The following RASGEF1A variants were observed in gnomAD, a reference collection of about 807,000 sequenced individuals.
RASGEF1A encodes the protein RasGEF domain family member 1A.
In RASGEF1A, 18 loss-of-function variants were observed where a neutral mutation model predicts 56.4. The observed-to-expected ratio is 0.32, with a 90% CI of 0.22 to 0.47. The LOEUF is 0.47. Among genes scored for constraint, RASGEF1A ranks in the 20% least tolerant of loss-of-function variants. The probability of loss-of-function intolerance (pLI) is 1.00; values close to 1 mark genes in which losing one functional copy is unlikely to be tolerated. For missense variants in RASGEF1A, 422 were observed against 627.1 expected (o/e 0.67, Z 3.49); for synonymous variants, 245 against 242.6 (o/e 1.01, Z -0.09).
Position 43,198,927 on chromosome 10 carries a change from G to A in RASGEF1A, c.1032+6C>T. On this transcript the variant is annotated splice_donor_region_variant and intron_variant, in intron 9 of 12. Coordinates refer to ENST00000395810, the MANE Select transcript of RASGEF1A (RefSeq NM_145313.4). ...CTCGCAGCTGTGACGGGGCTCAGGT[G>A]CCTACCTCCAAGACATCAAACTTGG... 2 of 1,612,118 alleles carry A rather than the reference G, an allele frequency of 1.2e-6. No individual in the cohort carries two copies. Among genetic ancestry groups the A allele is most frequent in the Non-Finnish European group, 1.7e-6 (2 of 1,179,230 alleles).
At chr10:43,197,223 A>AC in intron 10 of RASGEF1A, 124 bp from the exon 11 acceptor site, 3 of 1,152,004 alleles carry the variant, frequency 2.6e-6, no homozygotes, top group Non-Finnish European at 3.7e-6. Context: ...GCAAGATGGG[A>AC]CAGTGGCCCT....
intron 1 of RASGEF1A, among the ~76,000 whole-genome samples, chr10:43,232,483 G>A (rs963753590): frequency 6.7e-5 from 9 of 133,394 alleles, no homozygotes; most frequent in Admixed American, 3.1e-4. Context: ...CCCAGTCTCC[G>A]GCTTTTTTTT....
intron 5 of RASGEF1A, 95 bp from the exon 6 acceptor site, chr10:43,200,351 C>A: frequency 9.2e-7 from 1 of 1,089,478 alleles, no homozygotes; most frequent in African/African-American, 1.5e-5. Flanking sequence ...AGGAGCTGCC[C>A]AGGGCACAGG....
chr10:43,244,463 C>A (rs185926878), intron 1 of RASGEF1A, among the ~76,000 whole-genome samples: 5 of 150,950 alleles, frequency 3.3e-5, no homozygotes, highest in Admixed American at 3.3e-4. Context: ...TAACAGACAT[C>A]GACAGAACAC....
chr10:43,262,506 G>C (rs892615442), intron 1 of RASGEF1A, among the ~76,000 whole-genome samples: 15 of 152,196 alleles, frequency 9.9e-5, no homozygotes, highest in African/African-American at 3.4e-4. Flanking sequence ...CAGCAACGTG[G>C]CCCAGGCCAG....
chr10:43,209,622 G>A (rs1840039133), intron 1 of RASGEF1A, among the ~76,000 whole-genome samples: 1 of 152,198 alleles, frequency 6.6e-6, no homozygotes, highest in South Asian at 2.1e-4. Flanking sequence ...CACACAGGAG[G>A]CACTGCTTAT....
chr10:43,197,528 G>A (rs1457935679), intron 10 of RASGEF1A, among the ~76,000 whole-genome samples: 1 of 152,274 alleles, frequency 6.6e-6, no homozygotes, highest in East Asian at 1.9e-4. Flanking sequence ...TAGGCATCCG[G>A]CAGCCCACAG....
intron 4 of RASGEF1A, 113 bp downstream of exon 4, chr10:43,201,695 G>A: frequency 1.7e-6 from 2 of 1,160,850 alleles, no homozygotes; most frequent in Non-Finnish European, 2.3e-6. Context: ...CCCTCCTGGG[G>A]GAGTAACATG....
chr10:43,250,959 G>A (rs1046504791), intron 1 of RASGEF1A, among the ~76,000 whole-genome samples: 1 of 152,222 alleles, frequency 6.6e-6, no homozygotes, highest in Non-Finnish European at 1.5e-5. Flanking sequence ...AGCTGCCCAG[G>A]GCCAGGCAGA....
chr10:43,207,999 T>G (rs758670669), intron 1 of RASGEF1A: 250 of 960,306 alleles, frequency 2.6e-4, no homozygotes, highest in Admixed American at 9.2e-4. Flanking sequence ...ATCATTCACC[T>G]GTGTATCCTA....
chr10:43,209,719 C>T (rs1018811694), intron 1 of RASGEF1A, among the ~76,000 whole-genome samples: 5 of 152,160 alleles, frequency 3.3e-5, no homozygotes, highest in Admixed American at 6.5e-5. Flanking sequence ...AGGGCTGTGG[C>T]GGGCCAGCTT....
At chr10:43,265,511 AC>A (rs1180935076) in intron 1 of RASGEF1A, among the ~76,000 whole-genome samples, 4 of 152,290 alleles carry the variant, frequency 2.6e-5, no homozygotes, top group Admixed American at 6.5e-5. Context: ...GGGGCAGAGA[AC>A]CCACCCACGT....
intron 1 of RASGEF1A, among the ~76,000 whole-genome samples, chr10:43,240,163 C>T (rs1418046701): frequency 6.6e-6 from 1 of 152,182 alleles, no homozygotes; most frequent in South Asian, 2.1e-4. Context: ...AGACACAGAG[C>T]CCCTTAGCGA....
intron 1 of RASGEF1A, among the ~76,000 whole-genome samples, chr10:43,242,632 C>T (rs529136135): frequency 2.0e-5 from 3 of 151,940 alleles, no homozygotes; most frequent in African/African-American, 4.8e-5. Context: ...CCTTGGGCTC[C>T]GGTGATTCTC....
intron 9 of RASGEF1A, among the ~76,000 whole-genome samples, chr10:43,198,556 T>C (rs1472495477): frequency 4.6e-5 from 7 of 152,124 alleles, no homozygotes; most frequent in Non-Finnish European, 2.9e-5. Context: ...GACTCTGTGG[T>C]CAAACACATC....
chr10:43,247,370 A>G (rs961456610), intron 1 of RASGEF1A, among the ~76,000 whole-genome samples: 2 of 152,212 alleles, frequency 1.3e-5, no homozygotes, highest in Non-Finnish European at 2.9e-5. Context: ...TTAAATTGTT[A>G]AACAGAGTTA....
At chr10:43,253,304 G>A (rs1281040448) in intron 1 of RASGEF1A, among the ~76,000 whole-genome samples, 1 of 152,192 alleles carries the variant, frequency 6.6e-6, no homozygotes, top group Admixed American at 6.5e-5. Flanking sequence ...CCAAATCCCC[G>A]GGGAGGGCTG....
chr10:43,194,737 G>A lies in RASGEF1A; in HGVS notation c.*1507C>T, dbSNP rs553280838. 4.6e-5 allele frequency: 7 copies of A among 152,424 alleles called. No homozygotes were observed. The East Asian group carries it at 5.8e-4, about 13-fold the overall frequency. 9.4% of individuals were successfully genotyped at this position (152,424 alleles called of 1,614,324 possible). On this transcript the variant is annotated 3_prime_UTR_variant, in exon 13 of 13. Coordinates refer to ENST00000395810, the MANE Select transcript of RASGEF1A (RefSeq NM_145313.4). ...AGAACTGATCACCCGTGAAGTGCAC[G>A]TGGGTGTGTACAGAAACCGTTCTAA...
At chr10:43,257,812 G>T (rs1836450678) in intron 1 of RASGEF1A, among the ~76,000 whole-genome samples, 1 of 152,236 alleles carries the variant, frequency 6.6e-6, no homozygotes, top group African/African-American at 2.4e-5. Flanking sequence ...GGCTCCCACA[G>T]GGCTGCATGG....
Sources: gnomAD v4.1 joint callset for allele counts (sites outside exome capture counted in the v4.1 genomes callset) on GRCh38, gnomAD v4.1.1 for gene constraint, MANE v1.5 for transcripts, NCBI Gene and HGNC (gene_info 2026-07-23, HGNC 2026-07-21) for gene names.